Variants in JARID2 observed in about 807,000 individuals in gnomAD.
JARID2 encodes the protein protein Jumonji.
A neutral mutation model predicts 125.6 loss-of-function variants in JARID2; 21 were observed. The observed-to-expected ratio is 0.17, with a 90% CI of 0.12 to 0.24. The LOEUF (loss-of-function observed/expected upper bound fraction) is 0.24. Ranked by LOEUF, JARID2 falls within the 10% of genes least tolerant of loss-of-function variation. JARID2 has a pLI of 1.00. For synonymous variants in JARID2, 736 were observed against 661.6 expected, an observed-to-expected ratio of 1.11 and a Z score of -1.73; for missense variants, 1,303 against 1,639.6, an observed-to-expected ratio of 0.79 and a Z score of 3.55.
intron 1 of JARID2, among the ~76,000 whole-genome samples, chr6:15,323,999 G>A (rs1398029760): frequency 1.3e-5 from 2 of 151,196 alleles, no homozygotes; most frequent in Middle Eastern, 3.4e-3. Context: ...TGGCTAACAT[G>A]GTGAAACCCT....
At chr6:15,329,251 A>G (rs1019262683) in intron 1 of JARID2, among the ~76,000 whole-genome samples, 9 of 150,860 alleles carry the variant, frequency 6.0e-5, no homozygotes, top group South Asian at 2.1e-4. Flanking sequence ...TCATCTTACT[A>G]TCCCTTGGGA....
chr6:15,498,760 G>C (rs1183016927), intron 7 of JARID2, among the ~76,000 whole-genome samples: 1 of 152,238 alleles, frequency 6.6e-6, no homozygotes. Context: ...GTGCTCTGCT[G>C]TTGGGAATAG....
At chr6:15,368,485 C>T (rs1488343526) in intron 1 of JARID2, among the ~76,000 whole-genome samples, 1 of 152,166 alleles carries the variant, frequency 6.6e-6, no homozygotes, top group East Asian at 1.9e-4. Context: ...ATAGAATTAT[C>T]TTCTTGTATG....
At chr6:15,292,963 T>C (rs1178469791) in intron 1 of JARID2, among the ~76,000 whole-genome samples, 5 of 152,218 alleles carry the variant, frequency 3.3e-5, no homozygotes, top group Non-Finnish European at 5.9e-5. Context: ...TGAGCCACCA[T>C]GCCCAGCCTA....
At chr6:15,477,127 G>A (rs749532620) in intron 5 of JARID2, among the ~76,000 whole-genome samples, 1 of 152,174 alleles carries the variant, frequency 6.6e-6, no homozygotes, top group Non-Finnish European at 1.5e-5. Context: ...TAAACAGCAT[G>A]TCATTGGACT....
intron 2 of JARID2, among the ~76,000 whole-genome samples, chr6:15,392,877 G>A (rs1400735295): frequency 1.3e-5 from 2 of 151,920 alleles, no homozygotes; most frequent in Non-Finnish European, 2.9e-5. Flanking sequence ...TAGAGATGGG[G>A]TTTCACCATG....
Position 15,512,923 on chromosome 6 carries a change from G to A in JARID2, c.3144G>A (p.Lys1048=). ...SMGFETAKEM[K]RRHIAKPFSM... Reference sequence around the variant, plus strand: ...TGTGACTCCTCTTTCAGGAAATGAAGCGTCGCCATATAGCTAAGCCATTCT... The same window carrying A: ...TGTGACTCCTCTTTCAGGAAATGAAACGTCGCCATATAGCTAAGCCATTCT... Residue 1048 remains lysine, a synonymous_variant, in exon 15 of 18, where the codon AAG becomes AAA. Transcript: ENST00000341776. 1 of 1,613,654 alleles carries A rather than the reference G, an allele frequency of 6.2e-7. No homozygotes were observed. The highest frequency in any genetic ancestry group is 8.5e-7 in the Non-Finnish European group (1 of 1,179,904).
intron 1 of JARID2, among the ~76,000 whole-genome samples, chr6:15,266,516 A>G (rs148858158): frequency 2.0e-4 from 31 of 152,232 alleles, no homozygotes; most frequent in Non-Finnish European, 3.4e-4. Flanking sequence ...TTTCATGGTC[A>G]TTGTTGTCAG....
intron 2 of JARID2, among the ~76,000 whole-genome samples, chr6:15,374,933 G>C (rs568726094): frequency 6.6e-6 from 1 of 152,312 alleles, no homozygotes; most frequent in Non-Finnish European, 1.5e-5. Flanking sequence ...AATCCCCTGT[G>C]TACTTATCAG....
chr6:15,501,190 C>A lies in JARID2; in HGVS notation c.2229C>A (p.Asn743Lys). 6.2e-7 allele frequency: 1 copy of A among 1,614,048 alleles called. No individual in the cohort carries two copies. The highest frequency in any genetic ancestry group is 8.5e-7 in the Non-Finnish European group (1 of 1,179,944). ...RKGPLEGHTE[N>K]DHHKFHPLPR... ...GGCCGCTGGAAGGCCACACAGAGAA[C>A]GACCACCACAAGTTCCACCCTCTGC... is the stretch of plus-strand genomic sequence containing the variant. Residue 743 changes from asparagine to lysine, a missense_variant, in exon 8 of 18, where the codon AAC becomes AAA. Physicochemically the swap from Asn to Lys is moderately conservative, Grantham distance 94 (BLOSUM62 0). This residue lies in a region of JARID2 where 124 missense variants were observed against 131.0 expected (regional missense o/e 0.95). Coordinates refer to ENST00000341776, the MANE Select transcript of JARID2 (RefSeq NM_004973.4).
intron 1 of JARID2, among the ~76,000 whole-genome samples, chr6:15,362,559 A>C (rs1259203033): frequency 6.6e-6 from 1 of 152,220 alleles, no homozygotes; most frequent in Non-Finnish European, 1.5e-5. Flanking sequence ...CTTATCAATT[A>C]GGGGTGTTGG....
At chr6:15,295,145 G>T in intron 1 of JARID2, among the ~76,000 whole-genome samples, 1 of 132,718 alleles carries the variant, frequency 7.5e-6, no homozygotes, top group East Asian at 2.2e-4. Context: ...TTTTTGAGAC[G>T]GAGTCTTGCT....
intron 1 of JARID2, among the ~76,000 whole-genome samples, chr6:15,299,855 C>T (rs910400356): frequency 4.4e-4 from 67 of 152,092 alleles, no homozygotes; most frequent in African/African-American, 1.6e-3. Flanking sequence ...GACCTGGTTG[C>T]TTTGAGGATG....
intron 2 of JARID2, among the ~76,000 whole-genome samples, chr6:15,403,621 C>G (rs1341192705): frequency 1.3e-5 from 2 of 152,100 alleles, no homozygotes; most frequent in African/African-American, 2.4e-5. Context: ...CCTTATCTAC[C>G]CAGTGACCCA....
intron 1 of JARID2, chr6:15,247,437 T>TA: frequency 1.0e-6 from 1 of 976,130 alleles, no homozygotes. Flanking sequence ...TTTTTTTTTT[T>TA]AAGTTTGAGG....
intron 1 of JARID2, among the ~76,000 whole-genome samples, chr6:15,297,752 T>TA (rs1465805101): frequency 6.6e-6 from 1 of 152,150 alleles, no homozygotes; most frequent in Non-Finnish European, 1.5e-5. Context: ...TTGAATCCTT[T>TA]TCAGACTTCG....
At chr6:15,427,833 A>G (rs555231827) in intron 3 of JARID2, among the ~76,000 whole-genome samples, 2 of 151,994 alleles carry the variant, frequency 1.3e-5, no homozygotes, top group South Asian at 4.2e-4. Context: ...ACAGCCATTA[A>G]TGTCACTTGT....
At chr6:15,495,636 C>T (rs937008562) in intron 6 of JARID2, among the ~76,000 whole-genome samples, 5 of 152,170 alleles carry the variant, frequency 3.3e-5, no homozygotes, top group African/African-American at 1.2e-4. Flanking sequence ...ATCCTGTGGG[C>T]AGGTCATGCT....
At chr6:15,463,571 C>T (rs1357608376) in intron 4 of JARID2, among the ~76,000 whole-genome samples, 2 of 151,976 alleles carry the variant, frequency 1.3e-5, no homozygotes, top group Non-Finnish European at 2.9e-5. Flanking sequence ...GCTGGGATTA[C>T]AGGCATCTGT....
Sources: gnomAD v4.1 joint callset for allele counts (sites outside exome capture counted in the v4.1 genomes callset) on GRCh38, gnomAD v4.1.1 for gene constraint, gnomAD v4.1.1 regional missense constraint, MANE v1.5 for transcripts, NCBI Gene and HGNC (gene_info 2026-07-23, HGNC 2026-07-21) for gene names.